Variants in NDUFV3 observed in about 807,000 individuals in gnomAD.
NDUFV3 encodes NADH:ubiquinone oxidoreductase subunit V3.
A neutral mutation model predicts 37.5 loss-of-function variants in NDUFV3; 44 were observed. That is an observed-to-expected ratio of 1.17 (90% confidence interval 0.92 to 1.51). The LOEUF (loss-of-function observed/expected upper bound fraction) is 1.51. NDUFV3 is among the 40% of genes most tolerant of loss of function. The pLI is 0.00. For missense variants in NDUFV3, 580 were observed against 580.4 expected (o/e 1.00, Z 0.01); for synonymous variants, 235 against 239.3 (o/e 0.98, Z 0.17).
In NDUFV3 at chr21:42,909,092, C is replaced by A. The variant is rs532419281; in HGVS notation, c.*71C>A. ...CTGGAGTGCAAAAATAAAATCCACT[C>A]AAGAGTCACAAGGCCCGCTGTGCAT... On this transcript the variant is annotated 3_prime_UTR_variant, in exon 4 of 4. Transcript: ENST00000354250. 11 of 1,382,206 alleles carry A rather than the reference C, an allele frequency of 8.0e-6. No individual in the cohort carries two copies. The African/African-American group carries it at 8.6e-5, about 11-fold the overall frequency. The allele number at this position is 1,382,206 out of a possible 1,614,324, so 85.6% of individuals were successfully genotyped here. A position where few individuals can be genotyped will look rare whatever the true frequency, so the allele number is the denominator to read the frequency against.
Position 42,909,009 on chromosome 21 carries a change from A to C in NDUFV3, c.1410A>C (p.Ser470=). The change falls in exon 4 of 4, where the codon TCA becomes TCC. Residue 470 remains serine (S), a synonymous_variant. Transcript: ENST00000354250. ...RMPQPSSGRE[S]PRH is the part of the protein sequence containing the mutation. ...CTCAGCCCTCCTCAGGCCGGGAGTC[A>C]CCTCGACACTGAGGGCCCTCGGTGT... The C allele has an allele frequency of 6.2e-7, 1 of 1,613,586 alleles. No homozygotes were observed. The highest frequency in any genetic ancestry group is 8.5e-7 in the Non-Finnish European group (1 of 1,179,974).
Position 42,903,850 on chromosome 21 carries a change from GA to G in NDUFV3, c.841del (p.Ser281AlafsTer80). ...KTFRLNEIDK[E>X]SQKPFEVKGP... ...ATTTAGATTAAATGAAATAGATAAAGAAAGCCAAAAGCCATTTGAAGTTAAA... is the reference window on the plus strand; with the variant it reads ...ATTTAGATTAAATGAAATAGATAAAGAAGCCAAAAGCCATTTGAAGTTAAA... On this transcript the variant is annotated frameshift_variant, in exon 3 of 4. Coordinates refer to ENST00000354250, the MANE Select transcript of NDUFV3 (RefSeq NM_021075.4). LOFTEE classifies it high-confidence loss of function. 1 of 1,612,994 alleles carries G rather than the reference GA, an allele frequency of 6.2e-7. No homozygotes were observed. Among genetic ancestry groups the G allele is most frequent in the Non-Finnish European group, 8.5e-7 (1 of 1,179,814 alleles).
intron 2 of NDUFV3, among the ~76,000 whole-genome samples, chr21:42,900,509 A>C (rs2058713915): frequency 6.6e-6 from 1 of 152,216 alleles, no homozygotes; most frequent in Non-Finnish European, 1.5e-5. Flanking sequence ...TCTCAAAACA[A>C]ACAAACAAAA....
intron 2 of NDUFV3, among the ~76,000 whole-genome samples, chr21:42,899,751 G>C (rs529382529): frequency 1.3e-5 from 2 of 151,782 alleles, no homozygotes; most frequent in African/African-American, 4.8e-5. Context: ...CCAATTTTTT[G>C]TATTTTTTAG....
intron 2 of NDUFV3, among the ~76,000 whole-genome samples, chr21:42,900,670 A>T (rs960566884): frequency 6.6e-6 from 1 of 152,244 alleles, no homozygotes; most frequent in Non-Finnish European, 1.5e-5. Flanking sequence ...TTTCTCAGCC[A>T]GAAGTGGCTT....
chr21:42,894,468 A>ATATAATG (rs2058679518), intron 1 of NDUFV3, among the ~76,000 whole-genome samples: 1 of 68,922 alleles, frequency 1.5e-5, no homozygotes. Flanking sequence ...TTATATAAAT[A>ATATAATG]TATATTATAT....
chr21:42,898,453 C>T (rs2058704158), intron 2 of NDUFV3, among the ~76,000 whole-genome samples: 1 of 151,828 alleles, frequency 6.6e-6, no homozygotes. Context: ...TGGCATATCC[C>T]TGGCATGTTT....
Position 42,903,764 on chromosome 21 carries a change from G to C in NDUFV3, c.752G>C (p.Arg251Thr). The C allele has an allele frequency of 6.2e-7, 1 of 1,614,152 alleles. No individual in the cohort carries two copies. Among genetic ancestry groups the C allele is most frequent in the Non-Finnish European group, 8.5e-7 (1 of 1,180,044 alleles). ...ENARPKTTMP[R>T]SQVDEEFLKQ... ...GCGAGACCAAAAACCACAATGCCCA[G>C]ATCTCAAGTAGATGAAGAGTTTTTG... is the stretch of plus-strand genomic sequence containing the variant. The change falls in exon 3 of 4, where the codon AGA becomes ACA. Residue 251 changes from arginine (R) to threonine (T), a missense_variant. Transcript: ENST00000354250.
intron 1 of NDUFV3, among the ~76,000 whole-genome samples, 194 bp downstream of exon 1, chr21:42,893,575 C>G (rs887095748): frequency 6.6e-6 from 1 of 152,182 alleles, no homozygotes; most frequent in African/African-American, 2.4e-5. Flanking sequence ...GCGAGCGTCC[C>G]GCGGTTCCCC....
chr21:42,910,476 C>T lies in NDUFV3; in HGVS notation c.*1455C>T, dbSNP rs1291687108. The T allele has an allele frequency of 1.3e-5, 2 of 152,024 alleles. No homozygotes were observed. Among genetic ancestry groups the T allele is most frequent in the African/African-American group, 2.4e-5 (1 of 41,296 alleles). 9.4% of individuals were successfully genotyped at this position (152,024 alleles called of 1,614,324 possible). On this transcript the variant is annotated 3_prime_UTR_variant, in exon 4 of 4. Coordinates refer to ENST00000354250, the MANE Select transcript of NDUFV3 (RefSeq NM_021075.4). ...TGAGGACATTTTCATTGGTGAGATT[C>T]GGAAGAGGTGAAGTTTCTTGCAGTA...
At chr21:42,899,289 G>A (rs1379541477) in intron 2 of NDUFV3, among the ~76,000 whole-genome samples, 1 of 32,966 alleles carries the variant, frequency 3.0e-5, no homozygotes, top group African/African-American at 3.9e-4. Context: ...TTTTTTTTGA[G>A]ACAGAGTTTT....
Position 42,909,167 on chromosome 21 carries a change from G to C in NDUFV3, c.*146G>C. 2.4e-6 allele frequency: 2 copies of C among 839,780 alleles called. No individual in the cohort carries two copies. The highest frequency in any genetic ancestry group is 3.6e-6 in the Non-Finnish European group (2 of 550,522). 52.0% of individuals were successfully genotyped at this position (839,780 alleles called of 1,614,324 possible). Reference sequence around the variant, plus strand: ...TTTTTTTTTTTTTTTTTTGAGACAGGGTCTCACTCTGTCACCCAGGCTGGA... The same window carrying C: ...TTTTTTTTTTTTTTTTTTGAGACAGCGTCTCACTCTGTCACCCAGGCTGGA... On this transcript the variant is annotated 3_prime_UTR_variant, in exon 4 of 4. Coordinates refer to ENST00000354250, the MANE Select transcript of NDUFV3 (RefSeq NM_021075.4).
At chr21:42,896,501 C>G (rs1693255383) in intron 1 of NDUFV3, among the ~76,000 whole-genome samples, 1 of 151,882 alleles carries the variant, frequency 6.6e-6, no homozygotes, top group South Asian at 2.1e-4. Context: ...GGTCTCAGAA[C>G]TCCTGACCTC....
At position 42,909,087 on chromosome 21, in the gene NDUFV3, C is replaced by T. The variant is rs1165691321; in HGVS notation, c.*66C>T. 1.9e-6 allele frequency: 3 copies of T among 1,545,412 alleles called. No individual in the cohort carries two copies. Among genetic ancestry groups the T allele is most frequent in the Non-Finnish European group, 8.9e-7 (1 of 1,126,890 alleles). On this transcript the variant is annotated 3_prime_UTR_variant, in exon 4 of 4. Coordinates refer to ENST00000354250, the MANE Select transcript of NDUFV3 (RefSeq NM_021075.4). Reference sequence around the variant, plus strand: ...GCATCCTGGAGTGCAAAAATAAAATCCACTCAAGAGTCACAAGGCCCGCTG... The same window carrying T: ...GCATCCTGGAGTGCAAAAATAAAATTCACTCAAGAGTCACAAGGCCCGCTG...
intron 1 of NDUFV3, 136 bp downstream of exon 1, chr21:42,893,517 C>A: frequency 9.7e-7 from 1 of 1,032,618 alleles, no homozygotes; most frequent in Non-Finnish European, 1.4e-6. Flanking sequence ...TGACCCCGCT[C>A]CCTGGGCCCA....
intron 3 of NDUFV3, among the ~76,000 whole-genome samples, chr21:42,905,352 G>A (rs555957951): frequency 8.5e-5 from 13 of 152,320 alleles, no homozygotes; most frequent in African/African-American, 2.9e-4. Flanking sequence ...TGTGCACAGG[G>A]CAGATTCATA....
At chr21:42,899,430 C>G (rs1171911210) in intron 2 of NDUFV3, among the ~76,000 whole-genome samples, 7 of 143,932 alleles carry the variant, frequency 4.9e-5, no homozygotes, top group African/African-American at 1.9e-4. Flanking sequence ...CACCACCACG[C>G]CTGGCTAATT....
At chr21:42,906,372 A>G (rs911213332) in intron 3 of NDUFV3, among the ~76,000 whole-genome samples, 2 of 151,980 alleles carry the variant, frequency 1.3e-5, no homozygotes, top group African/African-American at 4.8e-5. Context: ...TGTGCCTTAC[A>G]TGACGCCTTC....
intron 2 of NDUFV3, 29 bp from the exon 3 acceptor site, chr21:42,903,153 A>T: frequency 6.2e-7 from 1 of 1,614,054 alleles, no homozygotes; most frequent in Non-Finnish European, 8.5e-7. Context: ...GTTTTGTTAA[A>T]TAACATTCCT....
Sources: allele counts gnomAD v4.1 joint callset (sites outside exome capture counted in the v4.1 genomes callset), GRCh38; gene constraint gnomAD v4.1.1; transcripts MANE v1.5; gene names NCBI Gene and HGNC (gene_info 2026-07-23, HGNC 2026-07-21).